DCC: variants seen among roughly 807,000 people sequenced by gnomAD.
The protein encoded by DCC is netrin receptor DCC.
Under a neutral mutation model 172.5 loss-of-function variants are expected in DCC, and 58 were observed. That is an observed-to-expected ratio of 0.34 (90% CI 0.27 to 0.42). DCC has a LOEUF of 0.42. Among genes scored for constraint, DCC ranks in the 10% least tolerant of loss-of-function variants. The pLI, the probability that DCC is intolerant of heterozygous loss-of-function variation, is 1.00. For missense variants in DCC, 1,740 were observed against 1,791.0 expected, an observed-to-expected ratio of 0.97 and a Z score of 0.51; for synonymous variants, 709 against 644.5, an observed-to-expected ratio of 1.10 and a Z score of -1.52.
At chr18:52,974,740 A>G (rs968192589) in intron 5 of DCC, among the ~76,000 whole-genome samples, 33 of 152,194 alleles carry the variant, frequency 2.2e-4, no homozygotes, top group Middle Eastern at 3.2e-3. Context: ...TTCATTTTAA[A>G]ACAAAACCAA....
intron 1 of DCC, among the ~76,000 whole-genome samples, chr18:52,594,171 CT>C (rs2033860825): frequency 6.6e-6 from 1 of 152,192 alleles, no homozygotes; most frequent in Non-Finnish European, 1.5e-5. Context: ...GGGCACCCCC[CT>C]GGATGGATAT....
chr18:53,396,093 G>T (rs183688347), intron 17 of DCC, among the ~76,000 whole-genome samples: 1 of 149,520 alleles, frequency 6.7e-6, no homozygotes, highest in African/African-American at 2.4e-5. Context: ...AACCTAAGAA[G>T]GATTCGTAGT....
chr18:53,047,660 G>C (rs67685219), intron 5 of DCC, among the ~76,000 whole-genome samples: 16,036 of 150,318 alleles, frequency 0.11, 1,216 homozygotes, highest in East Asian at 0.37. Flanking sequence ...TCATCACAAA[G>C]CCTATAGAGA....
chr18:52,907,850 T>C (rs1462914219), intron 3 of DCC, among the ~76,000 whole-genome samples: 1 of 152,208 alleles, frequency 6.6e-6, no homozygotes, highest in African/African-American at 2.4e-5. Context: ...GATGCACACA[T>C]GTAAGTAATT....
At chr18:52,958,610 A>G (rs534404065) in intron 5 of DCC, among the ~76,000 whole-genome samples, 1 of 152,246 alleles carries the variant, frequency 6.6e-6, no homozygotes, top group South Asian at 2.1e-4. Flanking sequence ...GGCACGGACA[A>G]TGAAAATGGA....
At chr18:53,033,632 C>T (rs1244780702) in intron 5 of DCC, among the ~76,000 whole-genome samples, 1 of 152,134 alleles carries the variant, frequency 6.6e-6, no homozygotes, top group Non-Finnish European at 1.5e-5. Flanking sequence ...CATCTGTCTT[C>T]TGTCTCTCCT....
At chr18:52,831,715 T>C (rs1019079188) in intron 2 of DCC, among the ~76,000 whole-genome samples, 5 of 152,180 alleles carry the variant, frequency 3.3e-5, no homozygotes, top group South Asian at 2.1e-4. Flanking sequence ...TCCATAGTTT[T>C]GCCTTGGACA....
intron 5 of DCC, among the ~76,000 whole-genome samples, chr18:52,963,135 T>G (rs2040871297): frequency 6.6e-6 from 1 of 151,624 alleles, no homozygotes; most frequent in Non-Finnish European, 1.5e-5. Flanking sequence ...AAAAAGTGAA[T>G]TAAGACTCCA....
intron 7 of DCC, among the ~76,000 whole-genome samples, chr18:53,123,606 A>C (rs2043514210): frequency 6.6e-6 from 1 of 152,038 alleles, no homozygotes; most frequent in Admixed American, 6.6e-5. Context: ...ATGTGTTTTT[A>C]AGTAGGAATG....
intron 7 of DCC, among the ~76,000 whole-genome samples, chr18:53,107,311 C>G (rs1334751428): frequency 6.6e-6 from 1 of 151,804 alleles, no homozygotes; most frequent in East Asian, 2.0e-4. Context: ...ATTTTACCTA[C>G]TGCATGTCTT....
At chr18:52,623,787 T>G (rs555963922) in intron 1 of DCC, among the ~76,000 whole-genome samples, 7 of 152,304 alleles carry the variant, frequency 4.6e-5, no homozygotes, top group African/African-American at 1.7e-4. Flanking sequence ...CCTTTTCCTC[T>G]AACCTTCATT....
intron 15 of DCC, among the ~76,000 whole-genome samples, chr18:53,355,368 A>G (rs12327255): frequency 0.1 from 15,584 of 152,102 alleles, 852 homozygotes; most frequent in Middle Eastern, 0.19. Context: ...CTTGGGCAGT[A>G]TGACCATTTT....
intron 1 of DCC, among the ~76,000 whole-genome samples, chr18:52,433,732 CTGATTATTTCATTTTGTTATCAAT>C (rs1444460843): frequency 1.3e-5 from 2 of 152,270 alleles, no homozygotes; most frequent in East Asian, 3.9e-4. Flanking sequence ...CTTTTTAAAT[CTGATTATTTCATTTTGTTATCAAT>C]AATAATTAAC....
At chr18:52,986,156 G>T (rs983461553) in intron 5 of DCC, among the ~76,000 whole-genome samples, 5 of 152,140 alleles carry the variant, frequency 3.3e-5, no homozygotes, top group Non-Finnish European at 7.4e-5. Context: ...CAACTAGGTT[G>T]GTGACCTGGC....
Position 53,477,525 on chromosome 18 carries a change from G to T in DCC, c.3737-9272G>T, listed in dbSNP as rs1470644324. Reference sequence around the variant, plus strand: ...TAAACTAAAGCCATAGCATTGTTCAGATTTCTAGTCACATATATAAAGATC... The same window carrying T: ...TAAACTAAAGCCATAGCATTGTTCATATTTCTAGTCACATATATAAAGATC... On this transcript the variant is annotated intron_variant, in intron 25 of 28. Coordinates refer to ENST00000442544, the MANE Select transcript of DCC (RefSeq NM_005215.4). 5.3e-5 allele frequency among the ~76,000 whole-genome samples: 8 copies of T among 152,090 alleles called. No individual in the cohort carries two copies. In the East Asian group the frequency reaches 1.5e-3, roughly 29 times the overall value.
chr18:53,338,716 A>C (rs1433059558), intron 14 of DCC, among the ~76,000 whole-genome samples: 1 of 152,248 alleles, frequency 6.6e-6, no homozygotes, highest in Non-Finnish European at 1.5e-5. Flanking sequence ...TATTATTAAA[A>C]CATATTAATT....
In DCC at chr18:52,728,031, A is replaced by G. The variant is rs8082879; in HGVS notation, c.92-24023A>G. Among the ~76,000 whole-genome samples, 452 of 152,208 alleles carry G rather than the reference A, an allele frequency of 3.0e-3. 2 individuals carry two copies. The highest frequency in any genetic ancestry group is 0.01 in the African/African-American group (417 of 41,538). ...AATTTATTCACCTAACGATAAACAA[A>G]TTTTTTTCCAATTCTTGGTCAGTGA... On this transcript the variant is annotated intron_variant, in intron 1 of 28. Transcript: ENST00000442544.
chr18:53,261,216 C>A (rs2056595063), intron 12 of DCC, among the ~76,000 whole-genome samples: 1 of 152,142 alleles, frequency 6.6e-6, no homozygotes, highest in Non-Finnish European at 1.5e-5. Context: ...TGTCCTGCAC[C>A]CACTGCCTGA....
intron 15 of DCC, among the ~76,000 whole-genome samples, chr18:53,341,786 A>T (rs1299226519): frequency 1.3e-5 from 2 of 152,186 alleles, no homozygotes; most frequent in Admixed American, 6.6e-5. Flanking sequence ...ATAAGGATTT[A>T]TTCAAGTCCA....
Sources: gnomAD v4.1 joint callset for allele counts (sites outside exome capture counted in the v4.1 genomes callset) on GRCh38, gnomAD v4.1.1 for gene constraint, MANE v1.5 for transcripts, NCBI Gene and HGNC (gene_info 2026-07-23, HGNC 2026-07-21) for gene names.